Variants in TRIP12 observed in about 807,000 individuals in gnomAD.
TRIP12 encodes E3 ubiquitin-protein ligase TRIP12.
TRIP12 carries 25 observed loss-of-function variants against 244.2 expected under a neutral mutation model. The observed-to-expected ratio is 0.10, with a 90% CI of 0.07 to 0.14. The LOEUF (loss-of-function observed/expected upper bound fraction) is 0.14. Among genes scored for constraint, TRIP12 ranks in the 10% least tolerant of loss-of-function variants. TRIP12 has a pLI of 1.00. For synonymous variants in TRIP12, 905 were observed against 873.1 expected, an observed-to-expected ratio of 1.04 and a Z score of -0.64; for missense variants, 1,677 against 2,486.4, an observed-to-expected ratio of 0.67 and a Z score of 6.92.
At position 229,778,827 on chromosome 2, in the gene TRIP12, T is replaced by C. The variant is rs972290076; in HGVS notation, c.5209+49A>G. On this transcript the variant is annotated intron_variant, in intron 35 of 41. Transcript: ENST00000675903. The surrounding 1 kb of genome is among the most constrained non-coding windows in gnomAD (Gnocchi z 4.1). ...ATGTCTAATAAACTGTCAGAGTCCA[T>C]TACCTGATCTGAGTAACACAAACCA... 4 of 1,529,828 alleles carry C rather than the reference T, an allele frequency of 2.6e-6. No homozygotes were observed. The highest frequency in any genetic ancestry group is 3.6e-6 in the Non-Finnish European group (4 of 1,104,864). The allele number at this position is 1,529,828 out of a possible 1,614,324, so 94.8% of individuals were successfully genotyped here.
At chr2:229,863,848 TTTTTA>T (rs2060881229) in intron 2 of TRIP12, among the ~76,000 whole-genome samples, 1 of 152,194 alleles carries the variant, frequency 6.6e-6, no homozygotes, top group Non-Finnish European at 1.5e-5. Context: ...TCAACTTTAG[TTTTTA>T]TTAAAAAGCA....
rs750206371 is a variant in TRIP12 at position 229,859,098 on chromosome 2, G to C, written c.701C>G (p.Thr234Ser). Residue 234 changes from threonine to serine, a missense_variant, in exon 4 of 42, where the codon ACC becomes AGC. Thr to Ser is a moderately conservative substitution (Grantham distance 58). Around this residue, in one of 11 missense-constraint regions of TRIP12, gnomAD observed 387 missense variants for 392.6 expected, o/e 0.99. Transcript: ENST00000675903. The stretch of plus-strand genomic sequence containing the variant: ...GGCAGCAGAAGAAGAATCAGTGATG[G>C]TGCTACACCCAGCTTTGGCTGAGGT... ...SATSAKAGCS[T>S]ITDSSSAAST... The C allele has an allele frequency of 1.4e-5, 23 of 1,614,214 alleles. No individual in the cohort carries two copies. Among genetic ancestry groups the C allele is most frequent in the Middle Eastern group, 1.6e-4 (1 of 6,062 alleles).
At chr2:229,902,298 T>C (rs1381579535) in intron 1 of TRIP12, among the ~76,000 whole-genome samples, 4 of 151,976 alleles carry the variant, frequency 2.6e-5, no homozygotes, top group Non-Finnish European at 5.9e-5. Context: ...CAGAATCACT[T>C]AAACCCAGGA....
chr2:229,771,484 G>C, intron 39 of TRIP12, 35 bp downstream of exon 39: 1 of 1,563,308 alleles, frequency 6.4e-7, no homozygotes, highest in Non-Finnish European at 8.8e-7. Flanking sequence ...TAAAATTATA[G>C]GTATGACCAT....
chr2:229,884,939 C>T (rs1332400285), intron 1 of TRIP12, among the ~76,000 whole-genome samples: 1 of 152,140 alleles, frequency 6.6e-6, no homozygotes, highest in Admixed American at 6.5e-5. Context: ...TACTGCACTC[C>T]AGTCTGGGTA....
rs1193724896 is a variant in TRIP12, at chr2:229,807,704, C to T, written c.2496+4G>A. ...ACATTTAAACGGTACGATGAAACTA[C>T]TACCTCAATGATCCGGCTGTCAATC... On this transcript the variant is annotated splice_donor_region_variant and intron_variant, in intron 17 of 41. Transcript: ENST00000675903. 5 of 1,614,160 alleles carry T rather than the reference C, an allele frequency of 3.1e-6. No individual in the cohort carries two copies. The highest frequency in any genetic ancestry group is 4.2e-6 in the Non-Finnish European group (5 of 1,180,024).
rs1347528250 is a variant in TRIP12 at position 229,879,978 on chromosome 2, A to C, written c.98+4T>G. 1.9e-6 allele frequency: 3 copies of C among 1,613,964 alleles called. No homozygotes were observed. The South Asian group carries it at 3.3e-5, about 18-fold the overall frequency. On this transcript the variant is annotated splice_donor_region_variant and intron_variant, in intron 2 of 41. Transcript: ENST00000675903. ...TCCTTTTCAAATTACCATGAAATAC[A>C]TACCTTCCTCCTATTGAGTCGTCTT...
chr2:229,829,345 A>G (rs1351856677), intron 7 of TRIP12, 57 bp from the exon 8 acceptor site: 2 of 1,414,848 alleles, frequency 1.4e-6, no homozygotes, highest in African/African-American at 1.4e-5. Flanking sequence ...CAACTGATGT[A>G]TCTAAAAATT....
At chr2:229,904,091 T>C (rs1458937631) in intron 1 of TRIP12, among the ~76,000 whole-genome samples, 7 of 151,736 alleles carry the variant, frequency 4.6e-5, no homozygotes, top group African/African-American at 9.7e-5. Flanking sequence ...TTCACAGATA[T>C]GAGTACAAAG....
chr2:229,776,140 T>C (rs2036186369), intron 37 of TRIP12, among the ~76,000 whole-genome samples: 1 of 152,200 alleles, frequency 6.6e-6, no homozygotes, highest in African/African-American at 2.4e-5. Flanking sequence ...CTGTCTGCCC[T>C]GGTTTGCTCA....
chr2:229,811,278 T>C (rs2047182559), intron 13 of TRIP12, 74 bp from the exon 14 acceptor site: 4 of 1,445,014 alleles, frequency 2.8e-6, no homozygotes, highest in Non-Finnish European at 2.8e-6. Flanking sequence ...CTACTTTATC[T>C]TCCTCCTAAC....
intron 1 of TRIP12, among the ~76,000 whole-genome samples, chr2:229,896,820 G>T (rs1686638167): frequency 6.6e-6 from 1 of 152,066 alleles, no homozygotes; most frequent in Non-Finnish European, 1.5e-5. Context: ...ATCTAAAAAA[G>T]ACTTTACAAT....
At chr2:229,878,642 C>T (rs1404174074) in intron 2 of TRIP12, among the ~76,000 whole-genome samples, 3 of 150,464 alleles carry the variant, frequency 2.0e-5, no homozygotes, top group Non-Finnish European at 3.0e-5. Context: ...AGTGCAGTGG[C>T]GTGATCTCGC....
At position 229,785,774 on chromosome 2, in the gene TRIP12, T is replaced by C; in HGVS notation, c.5077A>G (p.Ile1693Val). 1 of 1,613,786 alleles carries C rather than the reference T, an allele frequency of 6.2e-7. No homozygotes were observed. Among genetic ancestry groups the C allele is most frequent in the South Asian group, 1.1e-5 (1 of 91,028 alleles). Residue 1693 changes from isoleucine to valine, a missense_variant, in exon 34 of 42, where the codon ATC (isoleucine) becomes GTC (valine). Transcript: ENST00000675903. ...DLGSSRAMLE[I>V]QYENEVGTGL... Reference sequence around the variant, plus strand: ...AAGCTCACCTCATTTTCATACTGGATTTCTAACATGGCCCGTGAGCTGCCG... The same window carrying C: ...AAGCTCACCTCATTTTCATACTGGACTTCTAACATGGCCCGTGAGCTGCCG...
chr2:229,841,908 G>C (rs1422824242), intron 4 of TRIP12, among the ~76,000 whole-genome samples: 1 of 152,154 alleles, frequency 6.6e-6, no homozygotes, highest in African/African-American at 2.4e-5. Context: ...ACAGTAAAAA[G>C]GATTCTAGAC....
intron 2 of TRIP12, among the ~76,000 whole-genome samples, chr2:229,878,933 G>C (rs559731262): frequency 6.6e-6 from 1 of 151,710 alleles, no homozygotes; most frequent in African/African-American, 2.4e-5. Flanking sequence ...GGTTATGGCC[G>C]CAAACTGCTG....
intron 1 of TRIP12, among the ~76,000 whole-genome samples, chr2:229,898,847 G>A (rs1315857449): frequency 2.1e-5 from 3 of 144,064 alleles, no homozygotes; most frequent in Admixed American, 7.0e-5. Flanking sequence ...GTGCCCCACC[G>A]CATCCACCTA....
chr2:229,798,896 T>C lies in TRIP12; in HGVS notation c.3461A>G (p.Lys1154Arg). 6.2e-7 allele frequency: 1 copy of C among 1,614,112 alleles called. No individual in the cohort carries two copies. The highest frequency in any genetic ancestry group is 8.5e-7 in the Non-Finnish European group (1 of 1,180,016). The change falls in exon 23 of 42, where the codon AAG (lysine) becomes AGG (arginine). Residue 1154 changes from lysine to arginine, a missense_variant. This residue lies in a region of TRIP12 where 572 missense variants were observed against 867.8 expected (regional missense o/e 0.66). Coordinates refer to ENST00000675903, the MANE Select transcript of TRIP12 (RefSeq NM_001348323.3). ...GGSGLARAASKDTISNNREKI... is the reference protein window; with the variant it reads ...GGSGLARAASRDTISNNREKI... ...TCACCTATTATTGGAGATGGTATCCTTTGAGGCAGCCCTGGCAAGGCCACT... is the reference window on the plus strand; with the variant it reads ...TCACCTATTATTGGAGATGGTATCCCTTGAGGCAGCCCTGGCAAGGCCACT...
chr2:229,776,489 G>A (rs1292331770), intron 37 of TRIP12, among the ~76,000 whole-genome samples: 1 of 152,060 alleles, frequency 6.6e-6, no homozygotes, highest in Non-Finnish European at 1.5e-5. Context: ...AAATTAGTAT[G>A]GGAGATAAAG....
Sources: allele counts gnomAD v4.1 joint callset (sites outside exome capture counted in the v4.1 genomes callset), GRCh38; gene constraint gnomAD v4.1.1; regional missense constraint gnomAD v4.1.1; non-coding constraint Gnocchi (gnomAD v3.1); transcripts MANE v1.5; gene names NCBI Gene and HGNC (gene_info 2026-07-23, HGNC 2026-07-21).